Variants in RELL1 observed in about 807,000 individuals in gnomAD.
The protein encoded by RELL1 is RELT like 1.
Under a neutral mutation model 23.0 loss-of-function variants are expected in RELL1, and 10 were observed. The ratio of observed to expected loss-of-function variants is 0.43; its 90% CI spans 0.27 to 0.74. RELL1 has a LOEUF of 0.74. RELL1 is among the 30% of genes least tolerant of loss of function. RELL1 has a pLI of 0.19. For missense variants in RELL1, 315 were observed against 364.4 expected (o/e 0.86, Z 1.10); for synonymous variants, 146 against 146.8 (o/e 0.99, Z 0.04).
intron 6 of RELL1, among the ~76,000 whole-genome samples, chr4:37,593,623 C>T (rs1359530688): frequency 6.6e-6 from 1 of 152,302 alleles, no homozygotes; most frequent in African/African-American, 2.4e-5. Flanking sequence ...ACTAGGAAAT[C>T]GTCTTGCTAG....
chr4:37,616,778 T>C (rs764089616), intron 6 of RELL1, among the ~76,000 whole-genome samples: 1 of 152,232 alleles, frequency 6.6e-6, no homozygotes, highest in Non-Finnish European at 1.5e-5. Context: ...TAATCTGTGC[T>C]CCTTTAAGGC....
At chr4:37,636,880 G>A (rs556219299) in intron 4 of RELL1, among the ~76,000 whole-genome samples, 129 of 152,270 alleles carry the variant, frequency 8.5e-4, no homozygotes, top group Non-Finnish European at 1.7e-3. Context: ...TAAAAAAGAA[G>A]TAGAGCCTAC....
chr4:37,677,526 T>C (rs1342380286), intron 1 of RELL1, among the ~76,000 whole-genome samples: 1 of 152,140 alleles, frequency 6.6e-6, no homozygotes, highest in Non-Finnish European at 1.5e-5. Context: ...CAAATCTACA[T>C]CAAATACTAA....
At chr4:37,640,783 T>A (rs886205259) in intron 3 of RELL1, among the ~76,000 whole-genome samples, 8 of 152,320 alleles carry the variant, frequency 5.3e-5, no homozygotes, top group African/African-American at 1.9e-4. Flanking sequence ...CCTTGATTGG[T>A]TAAATCCATA....
At chr4:37,669,353 G>A (rs1276165327) in intron 1 of RELL1, among the ~76,000 whole-genome samples, 6 of 148,796 alleles carry the variant, frequency 4.0e-5, no homozygotes, top group Non-Finnish European at 9.0e-5. Context: ...CCCTCCGGGA[G>A]GGAGGTGGGG....
chr4:37,663,014 G>A (rs1339696464), intron 1 of RELL1, among the ~76,000 whole-genome samples: 2 of 152,182 alleles, frequency 1.3e-5, no homozygotes, highest in East Asian at 3.8e-4. Flanking sequence ...CACCAACTGT[G>A]CCTCTAAGAC....
chr4:37,673,283 G>A lies in RELL1; in HGVS notation c.88+12917C>T, dbSNP rs1360825296. Among the ~76,000 whole-genome samples the A allele has an allele frequency of 3.1e-5, 4 of 130,978 alleles. No individual in the cohort carries two copies. In the East Asian group the frequency reaches 9.9e-4, roughly 32 times the overall value. 85.9% of individuals were successfully genotyped at this position (130,978 alleles called of 152,430 possible). A position where few individuals can be genotyped will look rare whatever the true frequency, so the allele number is the denominator to read the frequency against. ...CAGCTCACTGCAGCCTTGCACCTCT[G>A]GGCTTAAGTGATCCTCCTGCCTCAA... On this transcript the variant is annotated intron_variant, in intron 1 of 6. Coordinates refer to ENST00000454158, the MANE Select transcript of RELL1 (RefSeq NM_001085400.2).
Position 37,612,322 on chromosome 4 carries a change from T to TA in RELL1, c.*1023dup, listed in dbSNP as rs1553872212. On this transcript the variant is annotated 3_prime_UTR_variant, in exon 7 of 7. Transcript: ENST00000454158. ...AACCAAGAATCGCTCAGCTAAAGGT[T>TA]AAAAAAAAAAAAAAAACAAAAAAAA... 2.8e-3 allele frequency among the ~76,000 whole-genome samples: 232 copies of TA among 83,454 alleles called. 1 individual carries two copies. The highest frequency in any genetic ancestry group is 0.013 in the African/African-American group (223 of 17,542). The allele number at this position is 83,454 out of a possible 152,430, so 54.7% of individuals were successfully genotyped here.
At chr4:37,667,430 G>A (rs1018628936) in intron 1 of RELL1, among the ~76,000 whole-genome samples, 3 of 149,236 alleles carry the variant, frequency 2.0e-5, no homozygotes, top group Admixed American at 6.8e-5. Context: ...AGTATCAAAG[G>A]TGACTTTAAT....
At chr4:37,630,356 GTTTTTTTTTTTTT>G (rs59763359) in intron 6 of RELL1, among the ~76,000 whole-genome samples, 71 of 86,744 alleles carry the variant, frequency 8.2e-4, no homozygotes, top group Middle Eastern at 0.013. Flanking sequence ...TGTGTGTGTG[GTTTTTTTTTTTTT>G]TTTTTTTTTT....
chr4:37,685,934 C>T (rs1296373735), intron 1 of RELL1, among the ~76,000 whole-genome samples: 1 of 152,190 alleles, frequency 6.6e-6, no homozygotes, highest in Non-Finnish European at 1.5e-5. Flanking sequence ...CCCGCACTGC[C>T]CAGCGCTGGG....
At chr4:37,669,072 G>A (rs1358260174) in intron 1 of RELL1, among the ~76,000 whole-genome samples, 12 of 116,000 alleles carry the variant, frequency 1.0e-4, no homozygotes, top group South Asian at 2.7e-4. Flanking sequence ...TCAGCCCCCC[G>A]CCTGGCCAGC....
rs765748387 is a variant in RELL1 at position 37,634,947 on chromosome 4, T to C, written c.620A>G (p.Asn207Ser). 4 of 1,614,254 alleles carry C rather than the reference T, an allele frequency of 2.5e-6. No individual in the cohort carries two copies. Among genetic ancestry groups the C allele is most frequent in the Non-Finnish European group, 3.4e-6 (4 of 1,180,052 alleles). The change falls in exon 5 of 7, where the codon AAC becomes AGC. Residue 207 changes from asparagine (N) to serine (S), a missense_variant. By Grantham distance (46) the Asn-to-Ser change is conservative. Transcript: ENST00000454158. ...CCGTGGTCTGCTCTCTCTGGACTTG[T>C]TAGTGGGCTTTATAAAGTGCCACCG... is the stretch of plus-strand genomic sequence containing the variant. The part of the protein sequence containing the change: ...HKRWHFIKPT[N>S]KSRESRPRRQ...
At chr4:37,641,371 G>A (rs890513309) in intron 3 of RELL1, among the ~76,000 whole-genome samples, 1 of 152,180 alleles carries the variant, frequency 6.6e-6, no homozygotes, top group Admixed American at 6.5e-5. Flanking sequence ...TTCCAGTGAC[G>A]AGAAGGTTTT....
downstream of RELL1, chr4:37,589,936 C>G: frequency 1.4e-6 from 1 of 710,216 alleles, no homozygotes; most frequent in Non-Finnish European, 2.4e-6. Context: ...ATTTTTATAC[C>G]AACTATATCT....
chr4:37,642,661 C>G (rs778025067), intron 3 of RELL1, among the ~76,000 whole-genome samples: 2 of 152,236 alleles, frequency 1.3e-5, no homozygotes, highest in East Asian at 3.9e-4. Flanking sequence ...TACACTAATG[C>G]GGTGACTTGG....
intron 6 of RELL1, among the ~76,000 whole-genome samples, chr4:37,630,358 T>TTG (rs1720080904): frequency 2.1e-5 from 2 of 93,272 alleles, no homozygotes; most frequent in African/African-American, 6.8e-5. Context: ...TGTGTGTGGT[T>TTG]TTTTTTTTTT....
intron 6 of RELL1, among the ~76,000 whole-genome samples, chr4:37,624,729 G>A (rs535549241): frequency 3.3e-5 from 5 of 151,998 alleles, no homozygotes; most frequent in African/African-American, 9.7e-5. Context: ...GCGCCCAGCC[G>A]GGAATGGTTA....
intron 1 of RELL1, among the ~76,000 whole-genome samples, chr4:37,663,853 C>G (rs746948328): frequency 1.3e-5 from 2 of 152,114 alleles, no homozygotes; most frequent in African/African-American, 4.8e-5. Context: ...GGGCTGCATA[C>G]AGGTCAACAT....
Sources: gnomAD v4.1 joint callset for allele counts (sites outside exome capture counted in the v4.1 genomes callset) on GRCh38, gnomAD v4.1.1 for gene constraint, MANE v1.5 for transcripts, NCBI Gene and HGNC (gene_info 2026-07-23, HGNC 2026-07-21) for gene names.